The following NCAM2 variants were observed in gnomAD, a reference collection of about 807,000 sequenced individuals.
NCAM2 encodes neural cell adhesion molecule 2.
A neutral mutation model predicts 98.1 loss-of-function variants in NCAM2; 30 were observed. That is an observed-to-expected ratio of 0.31 (90% CI 0.23 to 0.41). The LOEUF is 0.41. Ranked by LOEUF, NCAM2 falls within the 10% of genes least tolerant of loss-of-function variation. The pLI is 1.00. For synonymous variants in NCAM2, 368 were observed against 342.4 expected, an observed-to-expected ratio of 1.07 and a Z score of -0.83; for missense variants, 867 against 1,005.8, an observed-to-expected ratio of 0.86 and a Z score of 1.87.
At chr21:21,063,744 T>C (rs564566810) in intron 1 of NCAM2, among the ~76,000 whole-genome samples, 1 of 152,318 alleles carries the variant, frequency 6.6e-6, no homozygotes, top group Admixed American at 6.5e-5. Context: ...GTTTCTTTGG[T>C]ATTTATTACT....
intron 15 of NCAM2, among the ~76,000 whole-genome samples, chr21:21,479,071 A>G (rs774434979): frequency 1.3e-5 from 2 of 152,144 alleles, no homozygotes; most frequent in African/African-American, 2.4e-5. Flanking sequence ...CCAAAGGAAA[A>G]TTGCAACAGT....
At chr21:21,102,665 G>A (rs1215346266) in intron 1 of NCAM2, among the ~76,000 whole-genome samples, 2 of 886 alleles carry the variant, frequency 2.3e-3, no homozygotes, top group East Asian at 0.019. Context: ...GTTAACATAT[G>A]ATTTTTTAAA....
chr21:21,114,301 C>T (rs750058501), intron 1 of NCAM2, among the ~76,000 whole-genome samples: 3 of 152,046 alleles, frequency 2.0e-5, no homozygotes, highest in Non-Finnish European at 2.9e-5. Context: ...TTTTTTAAAG[C>T]CCTTTGCTCT....
chr21:21,049,950 A>G (rs1382775187), intron 1 of NCAM2, among the ~76,000 whole-genome samples: 1 of 152,140 alleles, frequency 6.6e-6, no homozygotes, highest in African/African-American at 2.4e-5. Context: ...TAAAGTGGAA[A>G]TGTTATTGTT....
chr21:21,285,289 G>A (rs1168516326), intron 3 of NCAM2, among the ~76,000 whole-genome samples: 1 of 151,636 alleles, frequency 6.6e-6, no homozygotes, highest in Non-Finnish European at 1.5e-5. Context: ...TTTGTGTTTT[G>A]TTTGTTATTC....
intron 13 of NCAM2, among the ~76,000 whole-genome samples, chr21:21,468,287 T>G (rs546586883): frequency 6.6e-6 from 1 of 152,086 alleles, no homozygotes; most frequent in Non-Finnish European, 1.5e-5. Context: ...TTCATATTAA[T>G]AAATGCTTAC....
chr21:21,522,614 T>TTTTTTC (rs1040357999), intron 16 of NCAM2, among the ~76,000 whole-genome samples: 10,784 of 127,862 alleles, frequency 0.084, 674 homozygotes, highest in East Asian at 0.16. Context: ...AACAAGTTCT[T>TTTTTTC]TTTTTCTTTT....
At chr21:21,267,326 T>A (rs2072320955) in intron 1 of NCAM2, among the ~76,000 whole-genome samples, 1 of 152,214 alleles carries the variant, frequency 6.6e-6, no homozygotes, top group East Asian at 1.9e-4. Flanking sequence ...GGCAATAGAC[T>A]GTTTTCATTT....
At chr21:21,345,024 T>C (rs931873873) in intron 8 of NCAM2, among the ~76,000 whole-genome samples, 6 of 152,126 alleles carry the variant, frequency 3.9e-5, no homozygotes, top group Non-Finnish European at 5.9e-5. Flanking sequence ...TCCAAGACTA[T>C]CAAGGCATTA....
intron 9 of NCAM2, among the ~76,000 whole-genome samples, chr21:21,382,047 AG>A (rs2076164834): frequency 6.6e-6 from 1 of 152,160 alleles, no homozygotes; most frequent in Non-Finnish European, 1.5e-5. Context: ...GTTTTCAAAG[AG>A]AAAGCCATAT....
At chr21:21,202,339 A>G (rs1482907568) in intron 1 of NCAM2, among the ~76,000 whole-genome samples, 8 of 152,082 alleles carry the variant, frequency 5.3e-5, no homozygotes, top group East Asian at 3.8e-4. Context: ...TAAATGCTCA[A>G]TAAATGTGAG....
At chr21:21,012,774 A>G (rs148556730) in intron 1 of NCAM2, among the ~76,000 whole-genome samples, 1,952 of 151,966 alleles carry the variant, frequency 0.013, 55 homozygotes, top group African/African-American at 0.044. Context: ...CATTTTTCTG[A>G]TAGCATATGC....
intron 5 of NCAM2, among the ~76,000 whole-genome samples, chr21:21,304,868 T>G (rs564180065): frequency 1.3e-5 from 2 of 152,332 alleles, no homozygotes; most frequent in African/African-American, 4.8e-5. Context: ...TCTCTAATTA[T>G]TCCATATATT....
chr21:21,217,914 G>T (rs893155914), intron 1 of NCAM2, among the ~76,000 whole-genome samples: 1 of 152,118 alleles, frequency 6.6e-6, no homozygotes, highest in East Asian at 1.9e-4. Context: ...GCTGAAAGCT[G>T]GTAGGAAAAT....
intron 11 of NCAM2, among the ~76,000 whole-genome samples, chr21:21,419,305 C>CTTTTTTTTTT (rs34109924): frequency 1.0e-5 from 1 of 99,958 alleles, no homozygotes. Context: ...AAATAGGGAA[C>CTTTTTTTTTT]TTTTTTTTTT....
intron 11 of NCAM2, among the ~76,000 whole-genome samples, chr21:21,421,892 A>T (rs1246905272): frequency 1.3e-5 from 2 of 152,228 alleles, no homozygotes; most frequent in African/African-American, 4.8e-5. Flanking sequence ...TTACTTTTTC[A>T]GCATTCAGAA....
At chr21:21,315,725 G>A (rs1472432051) in intron 5 of NCAM2, among the ~76,000 whole-genome samples, 4 of 152,116 alleles carry the variant, frequency 2.6e-5, no homozygotes, top group African/African-American at 4.8e-5. Context: ...CCAGGCCATG[G>A]AATTCTGAAA....
At chr21:21,066,689 T>C (rs997157104) in intron 1 of NCAM2, among the ~76,000 whole-genome samples, 1 of 152,112 alleles carries the variant, frequency 6.6e-6, no homozygotes, top group African/African-American at 2.4e-5. Flanking sequence ...TACTTTAAAA[T>C]CCAAAGGAAA....
At chr21:21,312,655 A>G (rs1037888390) in intron 5 of NCAM2, among the ~76,000 whole-genome samples, 20 of 148,388 alleles carry the variant, frequency 1.3e-4, no homozygotes, top group African/African-American at 4.9e-4. Flanking sequence ...CCTATTTTCC[A>G]TGAAATATTG....
Sources: gnomAD v4.1 joint callset for allele counts (sites outside exome capture counted in the v4.1 genomes callset) on GRCh38, gnomAD v4.1.1 for gene constraint, MANE v1.5 for transcripts, NCBI Gene and HGNC (gene_info 2026-07-23, HGNC 2026-07-21) for gene names.